Variants in FBXO11 observed in about 807,000 individuals in gnomAD.
FBXO11 encodes the protein F-box protein 11, also known as F-box only protein 11.
A neutral mutation model predicts 117.0 loss-of-function variants in FBXO11; 13 were observed. That is an observed-to-expected ratio of 0.11 (90% confidence interval 0.07 to 0.18). FBXO11 has a LOEUF of 0.18. Ranked by LOEUF, FBXO11 falls within the 10% of genes least tolerant of loss-of-function variation. The pLI is 1.00. For missense variants in FBXO11, 767 were observed against 1,164.4 expected, an observed-to-expected ratio of 0.66 and a Z score of 4.97; for synonymous variants, 490 against 380.5, an observed-to-expected ratio of 1.29 and a Z score of -3.35.
chr2:47,814,502 C>T (rs1572767696), intron 16 of FBXO11, among the ~76,000 whole-genome samples: 1 of 151,648 alleles, frequency 6.6e-6, no homozygotes, highest in African/African-American at 2.4e-5. Context: ...CCTAAGCCTC[C>T]CGAGTAGCTG....
intron 1 of FBXO11, among the ~76,000 whole-genome samples, chr2:47,900,194 G>A (rs1336632391): frequency 6.6e-6 from 1 of 152,050 alleles, no homozygotes; most frequent in Non-Finnish European, 1.5e-5. Flanking sequence ...TATCCCTCAA[G>A]TAAGTTCCAA....
At chr2:47,905,428 C>T in intron 1 of FBXO11, 61 bp downstream of exon 1, 3 of 1,170,244 alleles carry the variant, frequency 2.6e-6, no homozygotes, top group South Asian at 7.9e-5. Context: ...GCCCGCCCGC[C>T]CCGGCCTCCC....
At chr2:47,856,009 G>T (rs1467289109) in intron 1 of FBXO11, among the ~76,000 whole-genome samples, 1 of 152,220 alleles carries the variant, frequency 6.6e-6, no homozygotes, top group Non-Finnish European at 1.5e-5. Context: ...TACTCAGGAG[G>T]CTGAGGCAGG....
chr2:47,900,160 C>T (rs575774785), intron 1 of FBXO11, among the ~76,000 whole-genome samples: 19 of 152,252 alleles, frequency 1.2e-4, no homozygotes, highest in Non-Finnish European at 2.2e-4. Flanking sequence ...AACTTTAACA[C>T]TAATAGCAAC....
At chr2:47,886,775 C>A (rs750404173) in intron 1 of FBXO11, among the ~76,000 whole-genome samples, 3 of 151,950 alleles carry the variant, frequency 2.0e-5, no homozygotes, top group Non-Finnish European at 4.4e-5. Flanking sequence ...ATAATACACA[C>A]AGTACGGTTT....
chr2:47,904,088 T>A (rs1325377407), intron 1 of FBXO11, among the ~76,000 whole-genome samples: 1 of 152,170 alleles, frequency 6.6e-6, no homozygotes, highest in East Asian at 1.9e-4. Context: ...GATTAACATC[T>A]CCCTCCTTCA....
rs2104625984 is a variant in FBXO11 at position 47,809,631 on chromosome 2, A to G, written c.2415T>C (p.Phe805=). 6.2e-7 allele frequency: 1 copy of G among 1,613,558 alleles called. No homozygotes were observed. Among genetic ancestry groups the G allele is most frequent in the Non-Finnish European group, 8.5e-7 (1 of 1,179,766 alleles). The stretch of plus-strand genomic sequence containing the variant: ...TTGTCACATTAACACCAGATGCTAA[A>G]AATAAGCCTCCAAACCGGTTGTTAA... ...QIFNNRFGGL[F]LASGVNVTMK... is the part of the protein sequence containing the mutation. The change falls in exon 20 of 23, where the codon TTT becomes TTC. Residue 805 remains phenylalanine (F), a synonymous_variant. Coordinates refer to ENST00000403359, the MANE Select transcript of FBXO11 (RefSeq NM_001190274.2).
At chr2:47,852,662 G>GGAT (rs1394715859) in intron 1 of FBXO11, among the ~76,000 whole-genome samples, 1 of 152,136 alleles carries the variant, frequency 6.6e-6, no homozygotes, top group Non-Finnish European at 1.5e-5. Flanking sequence ...AAATGATGAT[G>GGAT]GATGATAATA....
At chr2:47,858,501 G>A (rs1246796409) in intron 1 of FBXO11, among the ~76,000 whole-genome samples, 1 of 150,212 alleles carries the variant, frequency 6.7e-6, no homozygotes, top group Non-Finnish European at 1.5e-5. Context: ...GGCCATCATG[G>A]TGTATCCCCG....
intron 1 of FBXO11, chr2:47,883,498 T>A: frequency 4.8e-6 from 2 of 414,130 alleles, no homozygotes; most frequent in Non-Finnish European, 9.6e-6. Flanking sequence ...ACCATCACCC[T>A]CCAGATTGAA....
At chr2:47,875,345 G>C (rs902473975) in intron 1 of FBXO11, among the ~76,000 whole-genome samples, 2 of 152,106 alleles carry the variant, frequency 1.3e-5, no homozygotes, top group Middle Eastern at 6.8e-3. Flanking sequence ...ATTTATCTTC[G>C]CGTTTATCTT....
chr2:47,853,226 C>G (rs1384368143), intron 1 of FBXO11, among the ~76,000 whole-genome samples: 2 of 151,996 alleles, frequency 1.3e-5, no homozygotes, highest in East Asian at 3.9e-4. Context: ...CACTCACCAC[C>G]AAGCCCAGCT....
chr2:47,890,246 C>T (rs1677160287), intron 1 of FBXO11, among the ~76,000 whole-genome samples: 1 of 152,154 alleles, frequency 6.6e-6, no homozygotes, highest in Non-Finnish European at 1.5e-5. Flanking sequence ...GGACTGCAGG[C>T]ATGAGCCATG....
chr2:47,808,513 T>C, intron 21 of FBXO11, 86 bp from the exon 22 acceptor site: 1 of 1,262,682 alleles, frequency 7.9e-7, no homozygotes, highest in South Asian at 1.6e-5. Context: ...CTATGACCTT[T>C]GGCTTTAAGA....
intron 14 of FBXO11, 82 bp from the exon 15 acceptor site, chr2:47,819,160 TAAA>T: frequency 7.1e-7 from 1 of 1,416,544 alleles, no homozygotes; most frequent in South Asian, 1.4e-5. Flanking sequence ...TATAGACAGT[TAAA>T]AAATTTTCCA....
intron 1 of FBXO11, among the ~76,000 whole-genome samples, chr2:47,897,269 T>A (rs943579804): frequency 6.6e-6 from 1 of 152,240 alleles, no homozygotes; most frequent in African/African-American, 2.4e-5. Context: ...AAAAGAATTA[T>A]TGTATCTAAA....
At chr2:47,835,802 C>T in intron 5 of FBXO11, 70 bp downstream of exon 5, 3 of 1,303,264 alleles carry the variant, frequency 2.3e-6, no homozygotes, top group Non-Finnish European at 2.1e-6. Context: ...CCAGCCTAAA[C>T]TTATTTCTTA....
At chr2:47,892,601 A>C (rs533079193) in intron 1 of FBXO11, among the ~76,000 whole-genome samples, 2 of 152,318 alleles carry the variant, frequency 1.3e-5, no homozygotes, top group Non-Finnish European at 2.9e-5. Flanking sequence ...GCATCCTGGG[A>C]GTTACAACTA....
chr2:47,837,658 ATATT>A (rs1672689763), intron 4 of FBXO11, among the ~76,000 whole-genome samples: 1 of 152,246 alleles, frequency 6.6e-6, no homozygotes, highest in East Asian at 1.9e-4. Context: ...ACAGTCTGCC[ATATT>A]TGCTTCCACT....
Sources: gnomAD v4.1 joint callset for allele counts (sites outside exome capture counted in the v4.1 genomes callset) on GRCh38, gnomAD v4.1.1 for gene constraint, MANE v1.5 for transcripts, NCBI Gene and HGNC (gene_info 2026-07-23, HGNC 2026-07-21) for gene names.